MSI2: variants seen among roughly 807,000 people sequenced by gnomAD.
MSI2 encodes musashi RNA binding protein 2, also known as RNA-binding protein Musashi homolog 2.
Under a neutral mutation model 45.6 loss-of-function variants are expected in MSI2, and 17 were observed. The observed-to-expected ratio is 0.37, with a 90% CI of 0.26 to 0.56. The LOEUF (loss-of-function observed/expected upper bound fraction) is 0.56. Ranked by LOEUF, MSI2 falls within the 20% of genes least tolerant of loss-of-function variation. The pLI is 0.77. For missense variants in MSI2, 293 were observed against 444.2 expected (o/e 0.66, Z 3.06); for synonymous variants, 156 against 158.2 (o/e 0.99, Z 0.11).
intron 6 of MSI2, among the ~76,000 whole-genome samples, chr17:57,436,086 A>G (rs2084685440): frequency 6.6e-6 from 1 of 152,236 alleles, no homozygotes; most frequent in African/African-American, 2.4e-5. Context: ...TGAAGCAATT[A>G]AAAGCAGAAG....
intron 5 of MSI2, among the ~76,000 whole-genome samples, chr17:57,338,579 C>T (rs554379706): frequency 8.8e-4 from 134 of 152,248 alleles, no homozygotes; most frequent in Non-Finnish European, 1.6e-3. Flanking sequence ...TGCTTGGGGA[C>T]CCTGAAGGCT....
chr17:57,523,568 T>C (rs2086639191), intron 6 of MSI2: 1 of 152,244 alleles, frequency 6.6e-6, no homozygotes, highest in Non-Finnish European at 1.5e-5. Flanking sequence ...GAGTGGTAAT[T>C]ATTGCTGATT....
intron 6 of MSI2, among the ~76,000 whole-genome samples, chr17:57,460,830 G>A (rs1024646391): frequency 2.0e-5 from 3 of 152,074 alleles, no homozygotes; most frequent in Admixed American, 2.0e-4. Context: ...AGAAAGCGTG[G>A]TTGACTGAAA....
At chr17:57,392,036 C>T (rs777789406) in intron 5 of MSI2, among the ~76,000 whole-genome samples, 3 of 152,146 alleles carry the variant, frequency 2.0e-5, no homozygotes, top group Non-Finnish European at 2.9e-5. Context: ...ATGGAGAAAC[C>T]GCCTGCAGAT....
chr17:57,649,633 C>A (rs1402080105), intron 10 of MSI2, among the ~76,000 whole-genome samples: 1 of 152,204 alleles, frequency 6.6e-6, no homozygotes, highest in African/African-American at 2.4e-5. Flanking sequence ...GCCCAGCCAC[C>A]AAGAAGAGGC....
chr17:57,386,290 C>T (rs1282199078), intron 5 of MSI2, among the ~76,000 whole-genome samples: 1 of 152,096 alleles, frequency 6.6e-6, no homozygotes, highest in Non-Finnish European at 1.5e-5. Flanking sequence ...CTGAACAGAA[C>T]TTTGGCCAGC....
intron 7 of MSI2, among the ~76,000 whole-genome samples, chr17:57,556,267 G>A (rs1039627247): frequency 6.6e-6 from 1 of 152,122 alleles, no homozygotes; most frequent in African/African-American, 2.4e-5. Flanking sequence ...TGGCTTGCTC[G>A]CTTTTCCCCT....
chr17:57,550,019 T>A (rs1199173962), intron 7 of MSI2, among the ~76,000 whole-genome samples: 2 of 152,214 alleles, frequency 1.3e-5, no homozygotes, highest in Non-Finnish European at 2.9e-5. Flanking sequence ...CAGGCTGTGG[T>A]CACTCCTGAG....
chr17:57,378,563 A>G (rs929868988), intron 5 of MSI2, among the ~76,000 whole-genome samples: 4 of 151,964 alleles, frequency 2.6e-5, no homozygotes, highest in Admixed American at 6.6e-5. Context: ...TGCCCGGCCA[A>G]TTTTTGTATT....
chr17:57,566,239 C>T (rs1389382039), intron 7 of MSI2, among the ~76,000 whole-genome samples: 1 of 152,212 alleles, frequency 6.6e-6, no homozygotes. Context: ...GAAACAAATA[C>T]AGCAGAGTAA....
rs553750306 is a variant in MSI2, at chr17:57,552,517, G to A, written c.454+22793G>A. On this transcript the variant is annotated intron_variant, in intron 7 of 13. Coordinates refer to ENST00000284073, the MANE Select transcript of MSI2 (RefSeq NM_138962.4). The surrounding 1 kb of genome is among the most constrained non-coding windows in gnomAD (Gnocchi z 4.3). ...CCGTCCTGGACCTGCCTCCATCCCC[G>A]GAGGTCTTGGCTCATGGGCTTTCTT... 1.3e-5 allele frequency among the ~76,000 whole-genome samples: 2 copies of A among 152,278 alleles called. No individual in the cohort carries two copies. Among genetic ancestry groups the A allele is most frequent in the African/African-American group, 4.8e-5 (2 of 41,560 alleles).
intron 5 of MSI2, among the ~76,000 whole-genome samples, chr17:57,375,406 G>A (rs990469376): frequency 1.3e-5 from 2 of 152,306 alleles, no homozygotes; most frequent in Non-Finnish European, 1.5e-5. Flanking sequence ...ATGCAGTTCT[G>A]TCTTCAGAGG....
chr17:57,282,583 C>G (rs1335460245), intron 5 of MSI2, among the ~76,000 whole-genome samples: 1 of 152,078 alleles, frequency 6.6e-6, no homozygotes, highest in Non-Finnish European at 1.5e-5. Context: ...ATGGCAGCCT[C>G]TCCCCCATTT....
intron 11 of MSI2, among the ~76,000 whole-genome samples, chr17:57,666,993 CA>C (rs1177273025): frequency 6.6e-6 from 1 of 152,212 alleles, no homozygotes; most frequent in African/African-American, 2.4e-5. Flanking sequence ...CTCCGGGCAG[CA>C]AGCTCCCTGT....
chr17:57,687,031 CAAAT>C (rs201891611), downstream of MSI2, among the ~76,000 whole-genome samples: 25,230 of 148,272 alleles, frequency 0.17, 2,636 homozygotes, highest in South Asian at 0.33. Context: ...ATTTTAGAAA[CAAAT>C]AATTAACATG....
intron 5 of MSI2, among the ~76,000 whole-genome samples, chr17:57,393,372 T>C (rs569242802): frequency 1.8e-4 from 28 of 152,234 alleles, no homozygotes; most frequent in Non-Finnish European, 3.2e-4. Context: ...ATACCCAAAC[T>C]GTAATACGTG....
intron 6 of MSI2, among the ~76,000 whole-genome samples, chr17:57,445,979 G>A (rs1215049153): frequency 2.0e-5 from 3 of 152,136 alleles, no homozygotes; most frequent in African/African-American, 2.4e-5. Flanking sequence ...CCGGGTATTG[G>A]GGATACAGAG....
At chr17:57,321,056 C>G (rs1296250031) in intron 5 of MSI2, among the ~76,000 whole-genome samples, 1 of 151,564 alleles carries the variant, frequency 6.6e-6, no homozygotes, top group Admixed American at 6.6e-5. Context: ...TAAGGATATC[C>G]ACTGGCTGTC....
At chr17:57,404,619 G>C (rs1012393651) in intron 6 of MSI2, among the ~76,000 whole-genome samples, 2 of 152,024 alleles carry the variant, frequency 1.3e-5, no homozygotes, top group African/African-American at 4.8e-5. Context: ...TCTCTTTTTA[G>C]GTCTCCTTGC....
Sources: gnomAD v4.1 joint callset for allele counts (sites outside exome capture counted in the v4.1 genomes callset) on GRCh38, gnomAD v4.1.1 for gene constraint, Gnocchi (gnomAD v3.1) non-coding constraint, MANE v1.5 for transcripts, NCBI Gene and HGNC (gene_info 2026-07-23, HGNC 2026-07-21) for gene names.